The following GRID2 variants were observed in gnomAD, a reference collection of about 807,000 sequenced individuals.
GRID2 encodes the protein glutamate receptor ionotropic, delta-2.
Under a neutral mutation model 114.8 loss-of-function variants are expected in GRID2, and 33 were observed. The ratio of observed to expected loss-of-function variants is 0.29; its 90% confidence interval spans 0.22 to 0.38. The LOEUF is 0.38. Among genes scored for constraint, GRID2 ranks in the 10% least tolerant of loss-of-function variants. The pLI is 1.00. For synonymous variants in GRID2, 505 were observed against 449.9 expected (o/e 1.12, Z -1.55); for missense variants, 1,184 against 1,257.7 (o/e 0.94, Z 0.89).
chr4:92,876,685 C>A (rs1745661169), intron 2 of GRID2, among the ~76,000 whole-genome samples: 1 of 152,164 alleles, frequency 6.6e-6, no homozygotes, highest in African/African-American at 2.4e-5. Flanking sequence ...GGGTAAAATG[C>A]ATCATCTGAG....
chr4:92,581,133 A>C (rs577259475), intron 1 of GRID2, among the ~76,000 whole-genome samples: 18 of 151,792 alleles, frequency 1.2e-4, no homozygotes, highest in Non-Finnish European at 2.4e-4. Context: ...TTAGAGTTAA[A>C]CATTGCTGCC....
At chr4:93,496,120 T>TTA (rs1727514177) in intron 12 of GRID2, among the ~76,000 whole-genome samples, 2 of 141,800 alleles carry the variant, frequency 1.4e-5, no homozygotes, top group South Asian at 4.5e-4. Flanking sequence ...TTCCTGATTG[T>TTA]AAAAAAAAAA....
At chr4:92,638,740 A>C (rs1284893441) in intron 2 of GRID2, among the ~76,000 whole-genome samples, 2 of 150,520 alleles carry the variant, frequency 1.3e-5, no homozygotes, top group African/African-American at 4.8e-5. Flanking sequence ...AATCTATTGA[A>C]AGGGATATTT....
chr4:93,559,568 G>A (rs939911894), intron 13 of GRID2, among the ~76,000 whole-genome samples: 17 of 152,156 alleles, frequency 1.1e-4, no homozygotes, highest in Admixed American at 3.9e-4. Flanking sequence ...TCATTAAAAA[G>A]TCAGGAAACA....
chr4:93,501,310 T>C (rs552185515), intron 12 of GRID2, among the ~76,000 whole-genome samples: 1 of 151,970 alleles, frequency 6.6e-6, no homozygotes, highest in African/African-American at 2.4e-5. Context: ...CCAGTAGGAG[T>C]CTTTTTTATA....
At chr4:92,558,470 C>T (rs949569169) in intron 1 of GRID2, among the ~76,000 whole-genome samples, 1 of 152,060 alleles carries the variant, frequency 6.6e-6, no homozygotes, top group African/African-American at 2.4e-5. Context: ...ACAGTAAATG[C>T]AAGAAGCTTT....
intron 2 of GRID2, among the ~76,000 whole-genome samples, chr4:92,686,314 AAAAAT>A (rs1179075339): frequency 1.3e-5 from 2 of 152,122 alleles, no homozygotes; most frequent in African/African-American, 4.8e-5. Flanking sequence ...GGTAATGACA[AAAAAT>A]AAATAATAAT....
At chr4:93,625,446 A>G (rs2149688629) in intron 13 of GRID2, among the ~76,000 whole-genome samples, 1 of 152,348 alleles carries the variant, frequency 6.6e-6, no homozygotes, top group East Asian at 1.9e-4. Context: ...ATGTTTTCAG[A>G]ACAGAGATAT....
At chr4:93,600,551 A>G (rs971998054) in intron 13 of GRID2, among the ~76,000 whole-genome samples, 2 of 152,126 alleles carry the variant, frequency 1.3e-5, no homozygotes, top group African/African-American at 4.8e-5. Context: ...AGCTAGAATT[A>G]GAAAGACTAA....
chr4:92,730,347 G>T (rs1323172682), intron 2 of GRID2, among the ~76,000 whole-genome samples: 1 of 151,812 alleles, frequency 6.6e-6, no homozygotes, highest in Non-Finnish European at 1.5e-5. Context: ...CACAGGAAAA[G>T]TTGTTTTGAC....
At chr4:92,518,752 T>C (rs1033241691) in intron 1 of GRID2, among the ~76,000 whole-genome samples, 1 of 151,862 alleles carries the variant, frequency 6.6e-6, no homozygotes, top group African/African-American at 2.4e-5. Flanking sequence ...CTTTAAGAAA[T>C]AGTTTATTCC....
intron 2 of GRID2, among the ~76,000 whole-genome samples, chr4:92,976,497 T>TTA (rs914768883): frequency 5.3e-4 from 81 of 152,070 alleles, no homozygotes; most frequent in South Asian, 2.3e-3. Context: ...ACTCTTGATT[T>TTA]TATATATATA....
chr4:92,587,098 C>CTGTGTGGGTGTGTG (rs1553903912), intron 1 of GRID2, among the ~76,000 whole-genome samples: 1 of 133,764 alleles, frequency 7.5e-6, no homozygotes, highest in Admixed American at 7.7e-5. Context: ...TGATGAAATG[C>CTGTGTGGGTGTGTG]TGTGTGTGTG....
chr4:92,847,911 A>G (rs1029313956), intron 2 of GRID2, among the ~76,000 whole-genome samples: 1 of 152,014 alleles, frequency 6.6e-6, no homozygotes, highest in African/African-American at 2.4e-5. Context: ...CTTCCTGTGC[A>G]TTTGTGCATT....
chr4:93,132,800 G>A (rs1043393570), intron 4 of GRID2, among the ~76,000 whole-genome samples: 2 of 152,092 alleles, frequency 1.3e-5, no homozygotes, highest in Admixed American at 6.5e-5. Flanking sequence ...AAAAGTGCTC[G>A]ATGTGCTTCG....
At position 93,544,107 on chromosome 4, in the gene GRID2, T is replaced by C. The variant is rs560390719; in HGVS notation, c.2193+28696T>C. 2.6e-5 allele frequency among the ~76,000 whole-genome samples: 4 copies of C among 152,268 alleles called. No individual in the cohort carries two copies. In the South Asian group the frequency reaches 6.2e-4, roughly 24 times the overall value. ...GAAAGTGCAGGAAATTGGATATAGA[T>C]TGCCTTAGTTCTGAGACCAGCTCTC... On this transcript the variant is annotated intron_variant, in intron 13 of 15. Transcript: ENST00000282020.
At chr4:92,861,419 TG>T (rs566068499) in intron 2 of GRID2, among the ~76,000 whole-genome samples, 207 of 152,208 alleles carry the variant, frequency 1.4e-3, no homozygotes, top group Non-Finnish European at 2.2e-3. Flanking sequence ...AAGGAAATCT[TG>T]GGGCTATCTG....
At chr4:93,256,860 G>GACATACA (rs1749653519) in intron 8 of GRID2, among the ~76,000 whole-genome samples, 1 of 151,844 alleles carries the variant, frequency 6.6e-6, no homozygotes. Context: ...AAAACAATTT[G>GACATACA]AAACTGCTTG....
chr4:92,656,703 C>T (rs371782993), intron 2 of GRID2, among the ~76,000 whole-genome samples: 1 of 151,650 alleles, frequency 6.6e-6, no homozygotes, highest in South Asian at 2.1e-4. Flanking sequence ...TGTGAGCTCT[C>T]CCATGCAATG....
Sources: allele counts gnomAD v4.1 joint callset (sites outside exome capture counted in the v4.1 genomes callset), GRCh38; gene constraint gnomAD v4.1.1; transcripts MANE v1.5; gene names NCBI Gene and HGNC (gene_info 2026-07-23, HGNC 2026-07-21).